BTAF1: variants seen among roughly 807,000 people sequenced by gnomAD.
The protein encoded by BTAF1 is B-TFIID TATA-box binding protein associated factor 1, also known as TATA-binding protein-associated factor 172.
A neutral mutation model predicts 227.1 loss-of-function variants in BTAF1; 38 were observed. The observed-to-expected ratio is 0.17, with a 90% CI of 0.13 to 0.22. The LOEUF (loss-of-function observed/expected upper bound fraction) is 0.22, where lower values mean the gene tolerates loss of function less well. Ranked by LOEUF, BTAF1 falls within the 10% of genes least tolerant of loss-of-function variation. BTAF1 has a pLI of 1.00. For missense variants in BTAF1, 1,598 were observed against 2,204.0 expected (o/e 0.73, Z 5.51); for synonymous variants, 742 against 751.9 (o/e 0.99, Z 0.21).
rs903423329 is a variant in BTAF1, at chr10:92,029,959, G to A, written c.*1026G>A. On this transcript the variant is annotated 3_prime_UTR_variant, in exon 38 of 38. Transcript: ENST00000265990. ...GGCAGCAATAATAATTGGGCATGAG[G>A]CTGATTACTCAATGGTGAGGGTAGG... 6.6e-6 allele frequency: 1 copy of A among 152,498 alleles called. No individual in the cohort carries two copies. Among genetic ancestry groups the A allele is most frequent in the Non-Finnish European group, 1.5e-5 (1 of 67,962 alleles). 9.4% of individuals were successfully genotyped at this position (152,498 alleles called of 1,614,324 possible). A position where few individuals can be genotyped will look rare whatever the true frequency, so the allele number is the denominator to read the frequency against.
At chr10:91,945,738 G>A (rs1360544951) in intron 4 of BTAF1, among the ~76,000 whole-genome samples, 1 of 152,230 alleles carries the variant, frequency 6.6e-6, no homozygotes, top group Non-Finnish European at 1.5e-5. Flanking sequence ...TAATGCTACT[G>A]TGAACATGGA....
intron 25 of BTAF1, among the ~76,000 whole-genome samples, chr10:92,003,087 C>T (rs535452121): frequency 4.0e-5 from 6 of 148,556 alleles, no homozygotes; most frequent in African/African-American, 1.5e-4. Flanking sequence ...ACCTGGGAGG[C>T]GGAGGTTGCA....
At chr10:91,972,259 T>C (rs544154420) in intron 14 of BTAF1, among the ~76,000 whole-genome samples, 4 of 152,206 alleles carry the variant, frequency 2.6e-5, no homozygotes, top group South Asian at 2.1e-4. Context: ...TATTTCCTAA[T>C]GTATACTCTG....
intron 6 of BTAF1, among the ~76,000 whole-genome samples, chr10:91,954,766 T>G (rs554461464): frequency 6.6e-6 from 1 of 152,090 alleles, no homozygotes; most frequent in Non-Finnish European, 1.5e-5. Flanking sequence ...CTATGTTGCC[T>G]AGGCTGGTCT....
chr10:92,007,760 T>G (rs1316725510), intron 25 of BTAF1, among the ~76,000 whole-genome samples: 1 of 152,192 alleles, frequency 6.6e-6, no homozygotes, highest in East Asian at 1.9e-4. Context: ...TCCATAGGGG[T>G]CGCGCAGACC....
intron 24 of BTAF1, chr10:91,997,272 C>A: frequency 1.4e-6 from 1 of 716,020 alleles, no homozygotes; most frequent in Non-Finnish European, 2.0e-6. Context: ...TACAATGTGA[C>A]TTATTTTATT....
chr10:91,930,960 A>C (rs1177453322), intron 1 of BTAF1, among the ~76,000 whole-genome samples: 1 of 152,226 alleles, frequency 6.6e-6, no homozygotes, highest in African/African-American at 2.4e-5. Flanking sequence ...TGAAAATATC[A>C]GTGAGGCTTT....
At position 91,951,578 on chromosome 10, in the gene BTAF1, G is replaced by A. The variant is rs370392609; in HGVS notation, c.564+12G>A. ...TTAACAAACAACCTGTAGGTAAAACGTTTGGTTATTTGATTGCAAGTAATA... is the reference window on the plus strand; with the variant it reads ...TTAACAAACAACCTGTAGGTAAAACATTTGGTTATTTGATTGCAAGTAATA... On this transcript the variant is annotated intron_variant, in intron 5 of 37. Transcript: ENST00000265990. 156 of 1,569,814 alleles carry A rather than the reference G, an allele frequency of 9.9e-5. 6 individuals are homozygous for A. The South Asian group carries it at 1.0e-3, about 10-fold the overall frequency.
chr10:91,980,498 A>G lies in BTAF1; in HGVS notation c.1695A>G (p.Arg565=). The part of the protein sequence containing the change: ...WLIPILPDML[R]HIFQFCVLES... Reference sequence around the variant, plus strand: ...TACCTATACTGCCTGATATGCTCCGACACATTTTTCAGTTCTGTGTTTTGG... The same window carrying G: ...TACCTATACTGCCTGATATGCTCCGGCACATTTTTCAGTTCTGTGTTTTGG... Residue 565 remains arginine, a synonymous_variant, in exon 15 of 38, where the codon CGA becomes CGG. Coordinates refer to ENST00000265990, the MANE Select transcript of BTAF1 (RefSeq NM_003972.3). 1 of 1,613,282 alleles carries G rather than the reference A, an allele frequency of 6.2e-7. No homozygotes were observed. Among genetic ancestry groups the G allele is most frequent in the Non-Finnish European group, 8.5e-7 (1 of 1,179,486 alleles).
rs560140529 is a variant in BTAF1 at position 92,020,628 on chromosome 10, A to G, written c.4863+1693A>G. ...CCTTACATCACTAAACGTAAAATGG[A>G]CTATGAACTTTCACACTGTAAAACT... On this transcript the variant is annotated intron_variant, in intron 34 of 37. Transcript: ENST00000265990. Among the ~76,000 whole-genome samples, 29 of 152,332 alleles carry G rather than the reference A, an allele frequency of 1.9e-4. No homozygotes were observed. In the South Asian group the frequency reaches 3.7e-3, roughly 20 times the overall value.
At chr10:91,942,125 T>C (rs1564659632) in intron 3 of BTAF1, among the ~76,000 whole-genome samples, 2 of 151,860 alleles carry the variant, frequency 1.3e-5, no homozygotes, top group Non-Finnish European at 2.9e-5. Flanking sequence ...CAAAAATAAA[T>C]AAAAAACACT....
intron 19 of BTAF1, among the ~76,000 whole-genome samples, chr10:91,985,398 A>T (rs1848337004): frequency 6.6e-6 from 1 of 152,156 alleles, no homozygotes; most frequent in South Asian, 2.1e-4. Context: ...GTTTATGGAC[A>T]CTTTGGCTGT....
chr10:91,991,259 AATAT>A (rs1452854281), intron 20 of BTAF1, among the ~76,000 whole-genome samples: 1 of 63,088 alleles, frequency 1.6e-5, no homozygotes, highest in South Asian at 5.2e-4. Context: ...AAAATATATA[AATAT>A]AAATATAAAT....
At chr10:91,939,310 AAACTT>A (rs1242201958) in intron 2 of BTAF1, among the ~76,000 whole-genome samples, 1 of 152,222 alleles carries the variant, frequency 6.6e-6, no homozygotes, top group African/African-American at 2.4e-5. Flanking sequence ...CAACCATACT[AAACTT>A]GAGATTTTAT....
At chr10:91,982,410 A>G in intron 17 of BTAF1, 177 bp from the exon 18 acceptor site, 1 of 1,054,302 alleles carries the variant, frequency 9.5e-7, no homozygotes, top group Non-Finnish European at 1.3e-6. Flanking sequence ...TTAAAATAGG[A>G]TTTATATCTT....
intron 28 of BTAF1, 54 bp downstream of exon 28, chr10:92,009,262 A>T: frequency 6.5e-7 from 1 of 1,543,220 alleles, no homozygotes; most frequent in East Asian, 2.3e-5. Context: ...TAATTAAGAT[A>T]AGGAACAGTA....
At chr10:91,935,315 G>A (rs1459584993) in intron 1 of BTAF1, among the ~76,000 whole-genome samples, 6 of 152,134 alleles carry the variant, frequency 3.9e-5, no homozygotes, top group African/African-American at 1.4e-4. Context: ...TCACTCTGCA[G>A]TGCCACAGAA....
In BTAF1 at chr10:92,018,875, A is replaced by G. The variant is rs1850922342; in HGVS notation, c.4803A>G (p.Ala1601=). Residue 1601 remains alanine, a synonymous_variant, in exon 34 of 38, where the codon GCA becomes GCG. Coordinates refer to ENST00000265990, the MANE Select transcript of BTAF1 (RefSeq NM_003972.3). ...TCAAGACCACTGCCGAAAAACTGGC[A>G]GTTCAGAATTCTTCTCTACATGATA... The part of the protein sequence containing the change: ...PEFKTTAEKL[A]VQNSSLHDIQ... 1 of 1,611,320 alleles carries G rather than the reference A, an allele frequency of 6.2e-7. No individual in the cohort carries two copies. The highest frequency in any genetic ancestry group is 8.5e-7 in the Non-Finnish European group (1 of 1,179,266).
intron 28 of BTAF1, 36 bp downstream of exon 28, chr10:92,009,244 T>G (rs762733795): frequency 1.3e-6 from 2 of 1,588,400 alleles, no homozygotes; most frequent in Non-Finnish European, 1.7e-6. Flanking sequence ...ATATTTCATC[T>G]GTTGTCATAA....
Sources: allele counts gnomAD v4.1 joint callset (sites outside exome capture counted in the v4.1 genomes callset), GRCh38; gene constraint gnomAD v4.1.1; transcripts MANE v1.5; gene names NCBI Gene and HGNC (gene_info 2026-07-23, HGNC 2026-07-21).